PLEKHG4B: variants seen among roughly 807,000 people sequenced by gnomAD.
The protein encoded by PLEKHG4B is pleckstrin homology domain-containing family G member 4B.
A neutral mutation model predicts 121.3 loss-of-function variants in PLEKHG4B; 111 were observed. The ratio of observed to expected loss-of-function variants is 0.92; its 90% CI spans 0.78 to 1.07. PLEKHG4B has a LOEUF of 1.07. Among genes scored for constraint, PLEKHG4B ranks in the 50% least tolerant of loss-of-function variants. The probability of loss-of-function intolerance (pLI) is 0.00; values close to 1 mark genes in which losing one functional copy is unlikely to be tolerated. For missense variants in PLEKHG4B, 1,831 were observed against 1,757.8 expected (o/e 1.04, Z -0.74); for synonymous variants, 738 against 725.0 (o/e 1.02, Z -0.29).
At chr5:93,738 G>A (rs139863093) in intron 1 of PLEKHG4B, among the ~76,000 whole-genome samples, 261 of 152,252 alleles carry the variant, frequency 1.7e-3, no homozygotes, top group African/African-American at 5.8e-3. Flanking sequence ...TGGGATCTGT[G>A]GCACTGGCTA....
chr5:117,790 T>C (rs1261804346), intron 2 of PLEKHG4B, among the ~76,000 whole-genome samples: 1 of 152,170 alleles, frequency 6.6e-6, no homozygotes, highest in Non-Finnish European at 1.5e-5. Context: ...GAGATAGAAG[T>C]TGCAGTGAGC....
At chr5:102,773 C>A (rs757919060) in intron 1 of PLEKHG4B, among the ~76,000 whole-genome samples, 2 of 152,200 alleles carry the variant, frequency 1.3e-5, no homozygotes, top group Non-Finnish European at 2.9e-5. Flanking sequence ...ACAGCACCAA[C>A]ACTAACACTA....
At chr5:99,143 G>A (rs1369150167) in intron 1 of PLEKHG4B, among the ~76,000 whole-genome samples, 3 of 130,326 alleles carry the variant, frequency 2.3e-5, no homozygotes, top group South Asian at 2.3e-4. Context: ...GTGACAGTGC[G>A]AGAGTCTGTC....
intron 19 of PLEKHG4B, 99 bp downstream of exon 19, chr5:181,774 C>G: frequency 6.8e-7 from 1 of 1,472,864 alleles, no homozygotes; most frequent in Non-Finnish European, 9.2e-7. Flanking sequence ...CCTCACTCGC[C>G]CACAGAGTGC....
chr5:177,580 T>C (rs1017516910), intron 18 of PLEKHG4B, among the ~76,000 whole-genome samples: 2 of 152,158 alleles, frequency 1.3e-5, no homozygotes, highest in African/African-American at 4.8e-5. Flanking sequence ...AAGAAAGAAT[T>C]TGACTGAGGG....
intron 2 of PLEKHG4B, among the ~76,000 whole-genome samples, chr5:120,404 G>C (rs1579254306): frequency 6.6e-6 from 1 of 152,306 alleles, no homozygotes; most frequent in South Asian, 2.1e-4. Flanking sequence ...CCCCTGGAGA[G>C]AGAGAGATGG....
In PLEKHG4B at chr5:182,213, A is replaced by T; in HGVS notation, c.4774A>T (p.Arg1592Ter). The T allele has an allele frequency of 6.2e-7, 1 of 1,613,890 alleles. No homozygotes were observed. The highest frequency in any genetic ancestry group is 8.5e-7 in the Non-Finnish European group (1 of 1,180,036). ...CCACAGCCCCTGGTCATCTGATATC[A>T]GAGCCTGCGTCGAGGAAGATGAGCC... ...PAHSPWSSDI[R>*]ACVEEDEPEP... The change falls in exon 20 of 20, where the codon AGA (arginine) becomes TGA (stop). Residue 1592 changes from arginine (R) to a stop codon, truncating the protein, a stop_gained. Coordinates refer to ENST00000637938, the MANE Select transcript of PLEKHG4B (RefSeq NM_052909.5). LOFTEE classifies it low-confidence loss of function (END_TRUNC).
At chr5:136,182 A>G (rs1165247981) in intron 2 of PLEKHG4B, among the ~76,000 whole-genome samples, 1 of 152,220 alleles carries the variant, frequency 6.6e-6, no homozygotes, top group Non-Finnish European at 1.5e-5. Context: ...AAAATGGATC[A>G]AAGACCTAAA....
intron 1 of PLEKHG4B, among the ~76,000 whole-genome samples, chr5:102,731 C>A (rs1733859296): frequency 6.6e-6 from 1 of 152,168 alleles, no homozygotes; most frequent in Non-Finnish European, 1.5e-5. Context: ...TCGAGTATCT[C>A]TTTATAGCAG....
intron 7 of PLEKHG4B, 52 bp downstream of exon 7, chr5:151,651 G>T: frequency 8.1e-7 from 1 of 1,229,662 alleles, no homozygotes; most frequent in South Asian, 1.3e-5. Flanking sequence ...TAAACATTAA[G>T]GCACCTAGAT....
At chr5:173,800 C>T (rs1029781547) in intron 17 of PLEKHG4B, 118 bp from the exon 18 acceptor site, 509 of 1,219,658 alleles carry the variant, frequency 4.2e-4, no homozygotes, top group Non-Finnish European at 5.6e-4. Context: ...TGACCCATCC[C>T]ACACATTTGT....
Position 172,938 on chromosome 5 carries a change from G to A in PLEKHG4B, c.4092G>A (p.Glu1364=), listed in dbSNP as rs763702531. 3.7e-6 allele frequency: 6 copies of A among 1,614,218 alleles called. No homozygotes were observed. The South Asian group carries it at 6.6e-5, about 18-fold the overall frequency. Residue 1364 remains glutamate, a synonymous_variant, in exon 17 of 20, where the codon GAG becomes GAA. Coordinates refer to ENST00000637938, the MANE Select transcript of PLEKHG4B (RefSeq NM_052909.5). ...AGGGGCAGCTGAGATGCCGGGATGA[G>A]TTTATCGTTTGCTGCGGGAGGAAGA... ...KEQGQLRCRD[E]FIVCCGRKKY... is the part of the protein sequence containing the mutation.
rs544015542 is a variant in PLEKHG4B, at chr5:177,980, G to C, written c.4403-3534G>C. Among the ~76,000 whole-genome samples the C allele has an allele frequency of 8.6e-4, 130 of 150,686 alleles. 1 individual carries two copies. Among genetic ancestry groups the C allele is most frequent in the African/African-American group, 2.9e-3 (118 of 40,290 alleles). ...CCCTTTTCTGTTGGGGGAACGTGAG[G>C]ATGCACCGTGTGCCTAGGAAGTTGT... On this transcript the variant is annotated intron_variant, in intron 18 of 19. Coordinates refer to ENST00000637938, the MANE Select transcript of PLEKHG4B (RefSeq NM_052909.5).
At chr5:119,470 C>G (rs1022489316) in intron 2 of PLEKHG4B, among the ~76,000 whole-genome samples, 4 of 152,072 alleles carry the variant, frequency 2.6e-5, no homozygotes, top group African/African-American at 7.2e-5. Flanking sequence ...ACAAAACCAC[C>G]AAGGAAATTG....
intron 2 of PLEKHG4B, among the ~76,000 whole-genome samples, chr5:116,077 C>T (rs1279889107): frequency 2.6e-5 from 4 of 152,166 alleles, no homozygotes; most frequent in Non-Finnish European, 5.9e-5. Flanking sequence ...TCATTTTTAG[C>T]TTTTGATTTA....
rs3810866 is a variant in PLEKHG4B at position 163,507 on chromosome 5, G to A, written c.3435G>A (p.Gly1145=). 0.018 allele frequency: 28,532 copies of A among 1,610,818 alleles called. 2,362 individuals carry two copies. The African/African-American group carries it at 0.23, about 13-fold the overall frequency. ...TQSRSLSSPS[G]LHPAEEDGRQ... Reference sequence around the variant, plus strand: ...GCCGGAGTCTGTCCTCCCCCTCGGGGCTCCACCCTGCTGAGGAGGATGGGA... The same window carrying A: ...GCCGGAGTCTGTCCTCCCCCTCGGGACTCCACCCTGCTGAGGAGGATGGGA... The change falls in exon 13 of 20, where the codon GGG becomes GGA. Residue 1145 remains glycine, a synonymous_variant. Coordinates refer to ENST00000637938, the MANE Select transcript of PLEKHG4B (RefSeq NM_052909.5).
intron 2 of PLEKHG4B, among the ~76,000 whole-genome samples, chr5:126,714 G>A (rs1734624645): frequency 1.3e-5 from 2 of 152,088 alleles, no homozygotes; most frequent in South Asian, 2.1e-4. Flanking sequence ...AAATACCCGG[G>A]GTTCATCATC....
intron 2 of PLEKHG4B, among the ~76,000 whole-genome samples, chr5:138,114 T>A (rs1437443312): frequency 6.6e-6 from 1 of 152,216 alleles, no homozygotes; most frequent in African/African-American, 2.4e-5. Context: ...ACCACTTGGA[T>A]TTGCCAGTGG....
At chr5:138,783 A>G (rs925328059) in intron 2 of PLEKHG4B, among the ~76,000 whole-genome samples, 2 of 152,206 alleles carry the variant, frequency 1.3e-5, no homozygotes, top group Admixed American at 1.3e-4. Context: ...TGTTTACTGT[A>G]TTTTAGTTTG....
Sources: allele counts gnomAD v4.1 joint callset (sites outside exome capture counted in the v4.1 genomes callset), GRCh38; gene constraint gnomAD v4.1.1; transcripts MANE v1.5; gene names NCBI Gene and HGNC (gene_info 2026-07-23, HGNC 2026-07-21).